Variants in EXOC5 observed in about 807,000 individuals in gnomAD.
EXOC5 encodes the protein exocyst complex component 5.
Under a neutral mutation model 90.8 loss-of-function variants are expected in EXOC5, and 17 were observed. The observed-to-expected ratio is 0.19, with a 90% CI of 0.13 to 0.28. The LOEUF (loss-of-function observed/expected upper bound fraction) is 0.28. Ranked by LOEUF, EXOC5 falls within the 10% of genes least tolerant of loss-of-function variation. The pLI is 1.00. For synonymous variants in EXOC5, 260 were observed against 270.0 expected, an observed-to-expected ratio of 0.96 and a Z score of 0.36; for missense variants, 569 against 830.6, an observed-to-expected ratio of 0.69 and a Z score of 3.87.
chr14:57,228,863 A>G (rs187223167), intron 12 of EXOC5, among the ~76,000 whole-genome samples: 155 of 151,530 alleles, frequency 1.0e-3, no homozygotes, highest in South Asian at 1.7e-3. Context: ...AAAAAAAAAA[A>G]AAAAAAAGGA....
chr14:57,250,881 A>C (rs1050026907), intron 1 of EXOC5, among the ~76,000 whole-genome samples: 1 of 152,222 alleles, frequency 6.6e-6, no homozygotes, highest in South Asian at 2.1e-4. Flanking sequence ...AAAAGACCAG[A>C]TAGCTAGTAT....
intron 3 of EXOC5, 45 bp from the exon 4 acceptor site, chr14:57,244,404 G>C: frequency 7.4e-7 from 1 of 1,357,156 alleles, no homozygotes; most frequent in Non-Finnish European, 1.1e-6. Context: ...AGTGTGCTCA[G>C]TTTATAATCT....
chr14:57,201,561 A>T lies in EXOC5; in HGVS notation c.*7048T>A. On this transcript the variant is annotated 3_prime_UTR_variant, in exon 18 of 18. Coordinates refer to ENST00000621441, the MANE Select transcript of EXOC5 (RefSeq NM_006544.4). ...CACATATACATATATTTTTATATAT[A>T]TTAATATTATATATATATATATATA... The T allele has an allele frequency of 8.7e-6, 1 of 114,694 alleles. No homozygotes were observed. The highest frequency in any genetic ancestry group is 2.6e-4 in the South Asian group (1 of 3,886). 7.1% of individuals were successfully genotyped at this position (114,694 alleles called of 1,614,324 possible).
chr14:57,212,073 C>T (rs73290112), intron 15 of EXOC5, among the ~76,000 whole-genome samples: 37,036 of 152,096 alleles, frequency 0.24, 10,867 homozygotes, highest in African/African-American at 0.71. Context: ...TATGTTGCCT[C>T]AGGCTGGTCC....
rs1274829608 is a variant in EXOC5, at chr14:57,206,681, TAA to T, written c.*1926_*1927del. On this transcript the variant is annotated 3_prime_UTR_variant, in exon 18 of 18. Coordinates refer to ENST00000621441, the MANE Select transcript of EXOC5 (RefSeq NM_006544.4). ...TTTGTCACTGTCCTATCAACGGACA[TAA>T]TAGAAAATATTGCACAGAACTCAAA... 1 of 152,362 alleles carries T rather than the reference TAA, an allele frequency of 6.6e-6. No individual in the cohort carries two copies. The highest frequency in any genetic ancestry group is 2.4e-5 in the African/African-American group (1 of 41,420). 9.4% of individuals were successfully genotyped at this position (152,362 alleles called of 1,614,324 possible).
intron 1 of EXOC5, among the ~76,000 whole-genome samples, chr14:57,255,616 G>A (rs955221022): frequency 2.0e-5 from 3 of 151,974 alleles, no homozygotes; most frequent in Non-Finnish European, 2.9e-5. Context: ...GGCTCAGGCC[G>A]GAGCTCAGGA....
intron 11 of EXOC5, among the ~76,000 whole-genome samples, chr14:57,231,268 C>T (rs1419152228): frequency 6.6e-6 from 1 of 152,072 alleles, no homozygotes; most frequent in East Asian, 1.9e-4. Flanking sequence ...CTCGGCCTCC[C>T]AAAGTGCTGC....
intron 14 of EXOC5, 45 bp downstream of exon 14, chr14:57,219,277 T>C (rs754339814): frequency 2.3e-5 from 29 of 1,237,400 alleles, no homozygotes; most frequent in Middle Eastern, 5.6e-4. Flanking sequence ...TAGAATGCTA[T>C]AATAGTCACT....
Position 57,229,753 on chromosome 14 carries a change from G to C in EXOC5, c.1277C>G (p.Ala426Gly). Residue 426 changes from alanine (A) to glycine (G), a missense_variant, in exon 12 of 18, where the codon GCC (alanine) becomes GGC (glycine). Ala to Gly is a moderately conservative substitution (Grantham distance 60). Coordinates refer to ENST00000621441, the MANE Select transcript of EXOC5 (RefSeq NM_006544.4). ...TCTTACCCTATGACATCTTTCAAAGGCTTGTTTGGTTTCTTGTAAAAGATT... is the reference window on the plus strand; with the variant it reads ...TCTTACCCTATGACATCTTTCAAAGCCTTGTTTGGTTTCTTGTAAAAGATT... The part of the protein sequence containing the change: ...VVNLLQETKQ[A>G]FERCHRLSDP... 1.3e-6 allele frequency: 2 copies of C among 1,523,486 alleles called. No homozygotes were observed. Among genetic ancestry groups the C allele is most frequent in the Admixed American group, 2.0e-5 (1 of 50,670 alleles). 94.4% of individuals were successfully genotyped at this position (1,523,486 alleles called of 1,614,324 possible).
At position 57,247,641 on chromosome 14, in the gene EXOC5, T is replaced by C; in HGVS notation, c.99A>G (p.Gly33=). ...WRTPGGGSRG[G]PEAFDPKRLL... ...ACCTTTTAGGATCAAAAGCTTCAGG[T>C]CCACCTCTAGAGCCTCCTCCTGGGG... The change falls in exon 2 of 18, where the codon GGA becomes GGG. Residue 33 remains glycine, a synonymous_variant. Transcript: ENST00000621441. 2 of 1,561,298 alleles carry C rather than the reference T, an allele frequency of 1.3e-6. No homozygotes were observed. Among genetic ancestry groups the C allele is most frequent in the Non-Finnish European group, 1.7e-6 (2 of 1,151,322 alleles).
At chr14:57,241,916 A>G (rs139683074) in intron 4 of EXOC5, among the ~76,000 whole-genome samples, 5,232 of 151,990 alleles carry the variant, frequency 0.034, 309 homozygotes, top group African/African-American at 0.12. Flanking sequence ...GGCGGATCAC[A>G]AGGTCAGTAG....
intron 5 of EXOC5, among the ~76,000 whole-genome samples, chr14:57,238,223 T>TATAC (rs912698507): frequency 1.9e-4 from 24 of 125,092 alleles, no homozygotes; most frequent in African/African-American, 5.5e-4. Flanking sequence ...CACATATATA[T>TATAC]ACACACACAC....
Position 57,244,363 on chromosome 14 carries a change from G to A in EXOC5, c.271-4C>T. 1 of 1,607,256 alleles carries A rather than the reference G, an allele frequency of 6.2e-7. No individual in the cohort carries two copies. Among genetic ancestry groups the A allele is most frequent in the African/African-American group, 1.3e-5 (1 of 74,740 alleles). On this transcript the variant is annotated splice_region_variant and splice_polypyrimidine_tract_variant and intron_variant, in intron 3 of 17. Coordinates refer to ENST00000621441, the MANE Select transcript of EXOC5 (RefSeq NM_006544.4). ...CTTGGAAATGTTGGAAGGCAACCTA[G>A]GAAAAATGTGCATAAGCATAAAATA...
chr14:57,214,295 C>T (rs1464579255), intron 15 of EXOC5, among the ~76,000 whole-genome samples: 3 of 152,062 alleles, frequency 2.0e-5, no homozygotes, highest in Non-Finnish European at 2.9e-5. Flanking sequence ...CTTGTGGATA[C>T]TCAAATAAAC....
chr14:57,209,310 G>A (rs1484663467), intron 17 of EXOC5, among the ~76,000 whole-genome samples: 6 of 151,794 alleles, frequency 4.0e-5, no homozygotes, highest in African/African-American at 1.5e-4. Context: ...CAGATCACTT[G>A]AGCCCAGGAG....
intron 5 of EXOC5, among the ~76,000 whole-genome samples, chr14:57,238,866 A>G (rs773992866): frequency 5.9e-5 from 9 of 152,106 alleles, no homozygotes; most frequent in Admixed American, 5.2e-4. Flanking sequence ...TATCATTTAT[A>G]ATATATTAAA....
At chr14:57,249,595 C>G (rs962610963) in intron 1 of EXOC5, among the ~76,000 whole-genome samples, 1 of 151,816 alleles carries the variant, frequency 6.6e-6, no homozygotes, top group Non-Finnish European at 1.5e-5. Context: ...AGAGACTATT[C>G]TAAATATCCA....
chr14:57,219,451 A>G lies in EXOC5; in HGVS notation c.1406-9T>C, dbSNP rs1424062074. 10 of 1,568,878 alleles carry G rather than the reference A, an allele frequency of 6.4e-6. No individual in the cohort carries two copies. Among genetic ancestry groups the G allele is most frequent in the Non-Finnish European group, 7.8e-6 (9 of 1,159,378 alleles). On this transcript the variant is annotated splice_polypyrimidine_tract_variant and intron_variant, in intron 13 of 17. Transcript: ENST00000621441. ...ATCTGAAGAGGGAATTCCTAAAACC[A>G]GAAAGCATACATATGTTAGAATCAT...
chr14:57,232,475 C>A, intron 10 of EXOC5, 192 bp downstream of exon 10: 1 of 358,052 alleles, frequency 2.8e-6, no homozygotes, highest in Non-Finnish European at 5.0e-6. Context: ...CATCCAATTC[C>A]TGACGTTAAT....
Sources: allele counts gnomAD v4.1 joint callset (sites outside exome capture counted in the v4.1 genomes callset), GRCh38; gene constraint gnomAD v4.1.1; transcripts MANE v1.5; gene names NCBI Gene and HGNC (gene_info 2026-07-23, HGNC 2026-07-21).